Variants in DCC observed in about 807,000 individuals in gnomAD.
DCC encodes the protein DCC netrin 1 receptor.
A neutral mutation model predicts 172.5 loss-of-function variants in DCC; 58 were observed. That is an observed-to-expected ratio of 0.34 (90% confidence interval 0.27 to 0.42). The LOEUF (loss-of-function observed/expected upper bound fraction) is 0.42, where lower values mean the gene tolerates loss of function less well. Ranked by LOEUF, DCC falls within the 10% of genes least tolerant of loss-of-function variation. The probability of loss-of-function intolerance (pLI) is 1.00; values close to 1 mark genes in which losing one functional copy is unlikely to be tolerated. For missense variants in DCC, 1,740 were observed against 1,791.0 expected (o/e 0.97, Z 0.51); for synonymous variants, 709 against 644.5 (o/e 1.10, Z -1.52).
chr18:52,756,003 A>G (rs1341106468), intron 2 of DCC, among the ~76,000 whole-genome samples: 3 of 152,220 alleles, frequency 2.0e-5, no homozygotes, highest in Non-Finnish European at 4.4e-5. Flanking sequence ...CTATCATTCC[A>G]TCCAACATTT....
chr18:52,596,935 G>A (rs533521005), intron 1 of DCC, among the ~76,000 whole-genome samples: 1 of 152,212 alleles, frequency 6.6e-6, no homozygotes, highest in East Asian at 1.9e-4. Context: ...TCCTTGCTTG[G>A]ATATTTTGTG....
intron 2 of DCC, among the ~76,000 whole-genome samples, chr18:52,798,758 T>TC (rs1030236726): frequency 2.8e-4 from 3 of 10,558 alleles, no homozygotes; most frequent in Non-Finnish European, 4.6e-4. Context: ...GTTTTGTATC[T>TC]TTTTTTTTTT....
rs2039880801 is a variant in DCC at position 52,906,282 on chromosome 18, A to G, written c.651A>G (p.Pro217=). The change falls in exon 3 of 29, where the codon CCA becomes CCG. Residue 217 remains proline (P), a synonymous_variant. Coordinates refer to ENST00000442544, the MANE Select transcript of DCC (RefSeq NM_005215.4). ...IGIYRCSARN[P]ASSRTGNEAE... Reference sequence around the variant, plus strand: ...TTTACCGATGCTCAGCTCGAAATCCAGCCAGCTCAAGAACAGGAAATGAAG... The same window carrying G: ...TTTACCGATGCTCAGCTCGAAATCCGGCCAGCTCAAGAACAGGAAATGAAG... The G allele has an allele frequency of 1.9e-6, 3 of 1,613,960 alleles. No homozygotes were observed. The highest frequency in any genetic ancestry group is 2.2e-5 in the South Asian group (2 of 91,094).
intron 15 of DCC, among the ~76,000 whole-genome samples, chr18:53,340,802 T>G (rs1376463830): frequency 6.6e-6 from 1 of 152,026 alleles, no homozygotes; most frequent in Admixed American, 6.6e-5. Context: ...ATGACCCCAC[T>G]GGAAATGCAG....
chr18:53,212,813 T>G (rs930385167), intron 11 of DCC, among the ~76,000 whole-genome samples: 3 of 151,966 alleles, frequency 2.0e-5, no homozygotes, highest in Admixed American at 6.6e-5. Context: ...TGGGACTACA[T>G]GAGTGTACCC....
Position 52,741,866 on chromosome 18 carries a change from G to A in DCC, c.92-10188G>A, listed in dbSNP as rs116213242. Among the ~76,000 whole-genome samples, 302 of 152,172 alleles carry A rather than the reference G, an allele frequency of 2.0e-3. 1 individual carries two copies. Among genetic ancestry groups the A allele is most frequent in the African/African-American group, 6.9e-3 (288 of 41,524 alleles). On this transcript the variant is annotated intron_variant, in intron 1 of 28. Transcript: ENST00000442544. The stretch of plus-strand genomic sequence containing the variant: ...CACGTCTGTGATGAACTGAGGGTTT[G>A]CATCCCCCAGAATTCATGTATCAAA...
In DCC at chr18:53,268,582, T is replaced by G. The variant is rs2056710185; in HGVS notation, c.1912-36996T>G. ...AATTTTCTCATTTGCAATGCTATTC[T>G]CATTCCCCTTTATTCCCTTTGTTAT... is the stretch of plus-strand genomic sequence containing the variant. On this transcript the variant is annotated intron_variant, in intron 12 of 28. Transcript: ENST00000442544. Among the ~76,000 whole-genome samples, 3 of 152,190 alleles carry G rather than the reference T, an allele frequency of 2.0e-5. No homozygotes were observed. In the South Asian group the frequency reaches 6.2e-4, roughly 32 times the overall value.
chr18:53,463,280 C>T (rs575005078), intron 24 of DCC, among the ~76,000 whole-genome samples: 1 of 152,172 alleles, frequency 6.6e-6, no homozygotes, highest in African/African-American at 2.4e-5. Context: ...CTTAATAAGT[C>T]CTGGGGGAAG....
chr18:52,542,288 A>C (rs1337721412), intron 1 of DCC, among the ~76,000 whole-genome samples: 1 of 152,128 alleles, frequency 6.6e-6, no homozygotes. Flanking sequence ...ATGAGTGTAA[A>C]TGTTCAACAC....
intron 1 of DCC, among the ~76,000 whole-genome samples, chr18:52,502,929 C>T (rs2031087176): frequency 6.6e-6 from 1 of 152,158 alleles, no homozygotes; most frequent in Admixed American, 6.6e-5. Context: ...TGCTGTCTTG[C>T]TAATATTTGC....
At chr18:52,563,902 A>G (rs1441792913) in intron 1 of DCC, among the ~76,000 whole-genome samples, 2 of 152,256 alleles carry the variant, frequency 1.3e-5, no homozygotes, top group Non-Finnish European at 2.9e-5. Flanking sequence ...AAAATCCCTG[A>G]GTCTCACCCA....
intron 1 of DCC, among the ~76,000 whole-genome samples, chr18:52,621,743 C>T (rs79469247): frequency 0.04 from 6,128 of 152,212 alleles, 156 homozygotes; most frequent in Non-Finnish European, 0.053. Flanking sequence ...AGTGTGAACT[C>T]GAATGTTTAC....
chr18:52,912,687 T>A (rs17389882), intron 3 of DCC, among the ~76,000 whole-genome samples: 1 of 152,074 alleles, frequency 6.6e-6, no homozygotes, highest in African/African-American at 2.4e-5. Context: ...GTGTTTGATC[T>A]TCATTACCCA....
intron 7 of DCC, among the ~76,000 whole-genome samples, chr18:53,105,648 C>T (rs558912666): frequency 6.6e-5 from 10 of 151,972 alleles, no homozygotes; most frequent in South Asian, 2.1e-4. Context: ...AACACCATGA[C>T]GAGCTGTTCA....
intron 2 of DCC, among the ~76,000 whole-genome samples, chr18:52,882,554 A>T (rs773828128): frequency 6.6e-6 from 1 of 151,492 alleles, no homozygotes; most frequent in Non-Finnish European, 1.5e-5. Flanking sequence ...TTTAATTTCC[A>T]TGTGTTTGTA....
intron 2 of DCC, among the ~76,000 whole-genome samples, chr18:52,899,804 C>G (rs1437727906): frequency 6.6e-6 from 1 of 152,092 alleles, no homozygotes; most frequent in East Asian, 1.9e-4. Flanking sequence ...GCTCCTCTAA[C>G]TAATTCTTTA....
chr18:53,473,905 A>G lies in DCC; in HGVS notation c.3736+5895A>G, dbSNP rs150595493. Among the ~76,000 whole-genome samples the G allele has an allele frequency of 1.6e-4, 24 of 152,264 alleles. No homozygotes were observed. In the East Asian group the frequency reaches 4.1e-3, roughly 26 times the overall value. ...CCCTGCTTGATCCATCTACTCTACT[A>G]TATTGCTTCATACTGTTATCTTGAG... On this transcript the variant is annotated intron_variant, in intron 25 of 28. Coordinates refer to ENST00000442544, the MANE Select transcript of DCC (RefSeq NM_005215.4).
At chr18:52,728,266 T>C (rs1394210215) in intron 1 of DCC, among the ~76,000 whole-genome samples, 1 of 152,138 alleles carries the variant, frequency 6.6e-6, no homozygotes, top group Non-Finnish European at 1.5e-5. Context: ...CATTCAGTAG[T>C]TGTTACTGTT....
chr18:52,895,024 T>A (rs538591229), intron 2 of DCC, among the ~76,000 whole-genome samples: 20 of 152,304 alleles, frequency 1.3e-4, no homozygotes, highest in African/African-American at 4.6e-4. Flanking sequence ...GATCTGGGAA[T>A]TCTCATTAAG....
Sources: allele counts gnomAD v4.1 joint callset (sites outside exome capture counted in the v4.1 genomes callset), GRCh38; gene constraint gnomAD v4.1.1; transcripts MANE v1.5; gene names NCBI Gene and HGNC (gene_info 2026-07-23, HGNC 2026-07-21).